The following PCDH15 variants were observed in gnomAD, a reference collection of about 807,000 sequenced individuals.
PCDH15 encodes protocadherin-15.
In PCDH15, 129 loss-of-function variants were observed where a neutral mutation model predicts 178.5. The observed-to-expected ratio is 0.72, with a 90% CI of 0.63 to 0.84. The LOEUF (loss-of-function observed/expected upper bound fraction) is 0.84, where lower values mean the gene tolerates loss of function less well. PCDH15 is among the 40% of genes least tolerant of loss of function. PCDH15 has a pLI of 0.00. For missense variants in PCDH15, 2,230 were observed against 2,099.9 expected, an observed-to-expected ratio of 1.06 and a Z score of -1.21; for synonymous variants, 800 against 732.0, an observed-to-expected ratio of 1.09 and a Z score of -1.50.
At chr10:53,949,660 C>T (rs939041141) in intron 23 of PCDH15, among the ~76,000 whole-genome samples, 1 of 151,940 alleles carries the variant, frequency 6.6e-6, no homozygotes, top group Admixed American at 6.6e-5. Flanking sequence ...TGGAAGATTG[C>T]TTGCAGTGAG....
chr10:53,905,223 T>C (rs2082592646), intron 25 of PCDH15: 1 of 518,848 alleles, frequency 1.9e-6, no homozygotes, highest in African/African-American at 1.9e-5. Context: ...TGCTCCCCTG[T>C]CGTGTCTTTC....
At chr10:55,207,751 T>A (rs1591989939) in intron 1 of PCDH15, among the ~76,000 whole-genome samples, 1 of 152,242 alleles carries the variant, frequency 6.6e-6, no homozygotes, top group African/African-American at 2.4e-5. Context: ...GCATATCACC[T>A]GAGGTCAGGA....
chr10:54,302,352 C>A (rs2060195738), intron 8 of PCDH15, among the ~76,000 whole-genome samples: 1 of 152,104 alleles, frequency 6.6e-6, no homozygotes, highest in Admixed American at 6.6e-5. Flanking sequence ...TTGTTTTAGA[C>A]TAGACTGTAA....
chr10:54,683,334 G>A (rs2094933921), intron 1 of PCDH15, among the ~76,000 whole-genome samples: 1 of 151,754 alleles, frequency 6.6e-6, no homozygotes. Context: ...CATTAAATAG[G>A]TGCTCCCCAT....
At chr10:54,082,885 A>T (rs11004048) in intron 16 of PCDH15, among the ~76,000 whole-genome samples, 64,594 of 151,804 alleles carry the variant, frequency 0.43, 13,928 homozygotes, top group Middle Eastern at 0.58. Context: ...CAGAATATAT[A>T]AAGGATTACA....
chr10:54,616,464 T>A (rs541034056), intron 2 of PCDH15, among the ~76,000 whole-genome samples: 3 of 152,232 alleles, frequency 2.0e-5, no homozygotes, highest in Admixed American at 6.6e-5. Flanking sequence ...TGCAAGTGTG[T>A]CCTATTTTTT....
At chr10:55,367,132 C>A (rs1418623393) in intron 2 of PCDH15, among the ~76,000 whole-genome samples, 1 of 151,900 alleles carries the variant, frequency 6.6e-6, no homozygotes, top group African/African-American at 2.4e-5. Flanking sequence ...CCTCTTCTTC[C>A]TTCCCTCTCC....
intron 2 of PCDH15, among the ~76,000 whole-genome samples, chr10:55,378,500 A>C (rs2131997960): frequency 6.6e-6 from 1 of 152,308 alleles, no homozygotes; most frequent in African/African-American, 2.4e-5. Context: ...TTATTCACTT[A>C]GCAAAAAGTA....
At chr10:55,116,077 G>C (rs1467153026) in intron 2 of PCDH15, among the ~76,000 whole-genome samples, 1 of 152,108 alleles carries the variant, frequency 6.6e-6, no homozygotes, top group Non-Finnish European at 1.5e-5. Flanking sequence ...GTAATCTTAA[G>C]GGATTTGTTG....
intron 15 of PCDH15, among the ~76,000 whole-genome samples, chr10:54,096,100 C>G (rs1341117370): frequency 6.6e-6 from 1 of 152,004 alleles, no homozygotes; most frequent in East Asian, 1.9e-4. Flanking sequence ...AAATAATTTG[C>G]CAAAGTTTAC....
chr10:53,841,131 C>G (rs1048656842), intron 28 of PCDH15, among the ~76,000 whole-genome samples: 1 of 152,112 alleles, frequency 6.6e-6, no homozygotes, highest in African/African-American at 2.4e-5. Context: ...AAAGCAGAGA[C>G]AATATTAATC....
chr10:54,003,736 CAAAAAA>C (rs55871741), intron 20 of PCDH15, among the ~76,000 whole-genome samples: 4 of 76,200 alleles, frequency 5.2e-5, no homozygotes, highest in South Asian at 5.8e-4. Context: ...CAAACTATTC[CAAAAAA>C]AAAAAAAAAA....
At chr10:54,597,799 G>A (rs925445100) in intron 2 of PCDH15, among the ~76,000 whole-genome samples, 1 of 151,902 alleles carries the variant, frequency 6.6e-6, no homozygotes, top group African/African-American at 2.4e-5. Context: ...ATGAGAAAGG[G>A]AATATTACCA....
intron 1 of PCDH15, among the ~76,000 whole-genome samples, chr10:54,758,762 T>G (rs1224440598): frequency 6.6e-6 from 1 of 152,206 alleles, no homozygotes; most frequent in East Asian, 1.9e-4. Flanking sequence ...TGTTTGGAAC[T>G]ATCTCTTTTC....
chr10:53,861,759 C>T (rs2079120502), intron 27 of PCDH15, among the ~76,000 whole-genome samples: 1 of 152,060 alleles, frequency 6.6e-6, no homozygotes, highest in East Asian at 1.9e-4. Flanking sequence ...TATAGTACAT[C>T]TCCGTGTGAC....
intron 2 of PCDH15, among the ~76,000 whole-genome samples, chr10:54,577,332 T>C (rs1039850934): frequency 4.6e-5 from 7 of 150,742 alleles, no homozygotes; most frequent in Non-Finnish European, 1.0e-4. Flanking sequence ...GACCTTACAA[T>C]ACACCCGCCT....
chr10:55,101,405 AC>A (rs1842573371), intron 2 of PCDH15, among the ~76,000 whole-genome samples: 2 of 124,736 alleles, frequency 1.6e-5, no homozygotes, highest in South Asian at 5.6e-4. Context: ...AAAAAAAAAA[AC>A]TTTTTTTTTT....
chr10:54,667,248 A>T (rs1159605210), intron 1 of PCDH15, among the ~76,000 whole-genome samples: 1 of 152,044 alleles, frequency 6.6e-6, no homozygotes, highest in Non-Finnish European at 1.5e-5. Flanking sequence ...AATGGGCTCA[A>T]TATTTACAGA....
chr10:54,259,652 A>C (rs2057171416), intron 8 of PCDH15, among the ~76,000 whole-genome samples: 1 of 152,176 alleles, frequency 6.6e-6, no homozygotes, highest in African/African-American at 2.4e-5. Context: ...TAATAAGCCA[A>C]AGCAGCAAAA....
Sources: allele counts gnomAD v4.1 joint callset (sites outside exome capture counted in the v4.1 genomes callset), GRCh38; gene constraint gnomAD v4.1.1; transcripts MANE v1.5; gene names NCBI Gene and HGNC (gene_info 2026-07-23, HGNC 2026-07-21).